Variants in SEZ6L2 observed in about 807,000 individuals in gnomAD.
SEZ6L2 encodes seizure 6-like protein 2.
SEZ6L2 carries 44 observed loss-of-function variants against 97.0 expected under a neutral mutation model. That is an observed-to-expected ratio of 0.45 (90% CI 0.36 to 0.58). The LOEUF is 0.58. SEZ6L2 is among the 20% of genes least tolerant of loss of function. The pLI, the probability that SEZ6L2 is intolerant of heterozygous loss-of-function variation, is 0.00. For synonymous variants in SEZ6L2, 543 were observed against 546.1 expected (o/e 0.99, Z 0.08); for missense variants, 1,086 against 1,233.3 (o/e 0.88, Z 1.79).
At chr16:29,895,993 C>T (rs904581853) in intron 3 of SEZ6L2, 133 bp from the exon 4 acceptor site, 17 of 945,892 alleles carry the variant, frequency 1.8e-5, no homozygotes, top group African/African-American at 1.0e-4. Context: ...GACAGGGTCT[C>T]GCTCTGTCAC....
At chr16:29,872,148 G>A (rs1438556616) in intron 17 of SEZ6L2, 39 bp downstream of exon 17, 1 of 1,492,182 alleles carries the variant, frequency 6.7e-7, no homozygotes, top group African/African-American at 1.4e-5. Context: ...TCCTGGGAGA[G>A]CCAAGTGGTG....
chr16:29,895,940 C>A, intron 3 of SEZ6L2, 80 bp from the exon 4 acceptor site: 1 of 1,426,048 alleles, frequency 7.0e-7, no homozygotes, highest in South Asian at 1.3e-5. Context: ...GCCTTCATCT[C>A]CCTTCTCCTT....
intron 12 of SEZ6L2, among the ~76,000 whole-genome samples, chr16:29,875,007 T>G (rs1490265164): frequency 8.5e-5 from 13 of 152,158 alleles, no homozygotes; most frequent in Admixed American, 8.5e-4. Flanking sequence ...TCTGAGTAGC[T>G]GGGACTACAG....
In SEZ6L2 at chr16:29,871,274, C is replaced by T. The variant is rs560603779; in HGVS notation, c.*425G>A. 10 of 247,348 alleles carry T rather than the reference C, an allele frequency of 4.0e-5. No individual in the cohort carries two copies. In the East Asian group the frequency reaches 7.3e-4, roughly 18 times the overall value. The allele number at this position is 247,348 out of a possible 1,614,324, so 15.3% of individuals were successfully genotyped here. A position where few individuals can be genotyped will look rare whatever the true frequency, so the allele number is the denominator to read the frequency against. ...GGGCAAGGCCTTGTCCCAGCTCTCC[C>T]CTTTGTCCTTCTTCTGACCCTCCTG... On this transcript the variant is annotated 3_prime_UTR_variant, in exon 18 of 18. Transcript: ENST00000617533.
chr16:29,884,344 C>T (rs756947860), intron 8 of SEZ6L2, among the ~76,000 whole-genome samples: 1 of 152,128 alleles, frequency 6.6e-6, no homozygotes, highest in Non-Finnish European at 1.5e-5. Flanking sequence ...GTAATCCTGG[C>T]ACTTTGGGAG....
Position 29,896,906 on chromosome 16 carries a change from G to T in SEZ6L2, c.427C>A (p.Pro143Thr), listed in dbSNP as rs760410556. ...PPPSPASPGPPLGPEGGEEET... is the reference protein window; with the variant it reads ...PPPSPASPGPTLGPEGGEEET... ...TCCTCTCCTCCCTCAGGCCCAAGGG[G>T]AGGCCCTGGGGAGGCAGGGCTGGGT... The change falls in exon 3 of 18, where the codon CCC becomes ACC. Residue 143 changes from proline to threonine, a missense_variant. By Grantham distance (38) the Pro-to-Thr change is conservative. Coordinates refer to ENST00000617533, the MANE Select transcript of SEZ6L2 (RefSeq NM_001243332.2). 6 of 1,612,406 alleles carry T rather than the reference G, an allele frequency of 3.7e-6. No individual in the cohort carries two copies. Among genetic ancestry groups the T allele is most frequent in the Non-Finnish European group, 3.4e-6 (4 of 1,178,650 alleles).
Position 29,894,768 on chromosome 16 carries a change from A to T in SEZ6L2, c.853+491T>A, listed in dbSNP as rs150156848. The stretch of plus-strand genomic sequence containing the variant: ...AATTGTCCCTCGGATGTGTGCACAG[A>T]TCTGTGAGTGTGTGAGATAAGTATG... On this transcript the variant is annotated intron_variant, in intron 5 of 17. Coordinates refer to ENST00000617533, the MANE Select transcript of SEZ6L2 (RefSeq NM_001243332.2). Among the ~76,000 whole-genome samples the T allele has an allele frequency of 6.0e-3, 915 of 152,164 alleles. 13 individuals carry two copies. Among genetic ancestry groups the T allele is most frequent in the African/African-American group, 0.021 (869 of 41,510 alleles).
chr16:29,898,828 T>C, intron 1 of SEZ6L2, 113 bp downstream of exon 1: 1 of 800,546 alleles, frequency 1.2e-6, no homozygotes, highest in Non-Finnish European at 2.0e-6. Flanking sequence ...CCATCAGCTG[T>C]GCCTCTCCCC....
rs560336836 is a variant in SEZ6L2 at position 29,895,120 on chromosome 16, A to G, written c.853+139T>C. ...CGTGAACCTGGGAGGCAGAGCTTGC[A>G]GTGAGCTGAGATCACGCCACTGACC... On this transcript the variant is annotated intron_variant, in intron 5 of 17. Coordinates refer to ENST00000617533, the MANE Select transcript of SEZ6L2 (RefSeq NM_001243332.2). 6.5e-5 allele frequency: 47 copies of G among 718,944 alleles called. 1 individual carries two copies. The highest frequency in any genetic ancestry group is 4.1e-4 in the Middle Eastern group (1 of 2,414). The allele number at this position is 718,944 out of a possible 1,614,324, so 44.5% of individuals were successfully genotyped here.
At chr16:29,877,536 C>T (rs1264828191) in intron 10 of SEZ6L2, 69 bp from the exon 11 acceptor site, 1 of 1,392,958 alleles carries the variant, frequency 7.2e-7, no homozygotes. Flanking sequence ...TCTGCCCCAT[C>T]CTCAACTCTG....
chr16:29,883,988 C>T (rs917611362), intron 8 of SEZ6L2, among the ~76,000 whole-genome samples: 1 of 151,938 alleles, frequency 6.6e-6, no homozygotes, highest in Non-Finnish European at 1.5e-5. Flanking sequence ...AGGTGAAATG[C>T]CTCTTCCTCC....
In SEZ6L2 at chr16:29,899,286, G is replaced by GC; in HGVS notation, c.-268dup. The GC allele has an allele frequency of 2.2e-6, 1 of 451,278 alleles. No individual in the cohort carries two copies. Among genetic ancestry groups the GC allele is most frequent in the Non-Finnish European group, 3.9e-6 (1 of 255,880 alleles). The allele number at this position is 451,278 out of a possible 1,614,324, so 28.0% of individuals were successfully genotyped here. On this transcript the variant is annotated 5_prime_UTR_variant, in exon 1 of 18. Coordinates refer to ENST00000617533, the MANE Select transcript of SEZ6L2 (RefSeq NM_001243332.2). ...TGGTGGAGGGGGCGCGGCTCCGGCT[G>GC]CAGGGGGTGGGGCCGAGAGGGCCGA...
chr16:29,874,580 T>TTTTTTTTTTTTTTTTTG (rs2067864396), intron 12 of SEZ6L2, among the ~76,000 whole-genome samples: 2 of 115,952 alleles, frequency 1.7e-5, no homozygotes, highest in Non-Finnish European at 3.5e-5. Flanking sequence ...TTTTTTTTTT[T>TTTTTTTTTTTTTTTTTG]TTTTTTTTGA....
In SEZ6L2 at chr16:29,899,132, T is replaced by C. The variant is rs1023865069; in HGVS notation, c.-113A>G. ...ATTGTTTTTTTTTTTTTTTTTTTTTTCCTCGTAGGAGTCAGCAAAGAAAGA... is the reference window on the plus strand; with the variant it reads ...ATTGTTTTTTTTTTTTTTTTTTTTTCCCTCGTAGGAGTCAGCAAAGAAAGA... On this transcript the variant is annotated 5_prime_UTR_variant, in exon 1 of 18. Coordinates refer to ENST00000617533, the MANE Select transcript of SEZ6L2 (RefSeq NM_001243332.2). The C allele has an allele frequency of 1.6e-5, 12 of 754,282 alleles. No homozygotes were observed. Among genetic ancestry groups the C allele is most frequent in the South Asian group, 6.5e-5 (4 of 61,104 alleles). 46.7% of individuals were successfully genotyped at this position (754,282 alleles called of 1,614,324 possible).
At chr16:29,878,149 C>T in intron 10 of SEZ6L2, 138 bp downstream of exon 10, 1 of 1,087,318 alleles carries the variant, frequency 9.2e-7, no homozygotes, top group Non-Finnish European at 1.3e-6. Context: ...ATCCTGTACC[C>T]TTAGTGCACC....
At chr16:29,895,565 C>A (rs2068367506) in intron 4 of SEZ6L2, 105 bp from the exon 5 acceptor site, 1 of 1,415,476 alleles carries the variant, frequency 7.1e-7, no homozygotes, top group Non-Finnish European at 9.6e-7. Flanking sequence ...CCAAAAGGCA[C>A]CACGCTGCTG....
At chr16:29,877,054 C>A in intron 11 of SEZ6L2, 104 bp from the exon 12 acceptor site, 2 of 1,232,262 alleles carry the variant, frequency 1.6e-6, no homozygotes, top group Non-Finnish European at 2.2e-6. Context: ...CTGTCTCTCT[C>A]TCTCTCTCTT....
In SEZ6L2 at chr16:29,876,959, G is replaced by A; in HGVS notation, c.1910-9C>T. ...GTCGTTCCTCGGGACCTCTGCAGGG[G>A]AGGGAAGGCGAGTTTGGAGGCTGCG... On this transcript the variant is annotated splice_polypyrimidine_tract_variant and intron_variant, in intron 11 of 17. Coordinates refer to ENST00000617533, the MANE Select transcript of SEZ6L2 (RefSeq NM_001243332.2). The surrounding 1 kb of genome is among the most constrained non-coding windows in gnomAD (Gnocchi z 6.5). 1 of 1,587,948 alleles carries A rather than the reference G, an allele frequency of 6.3e-7. No individual in the cohort carries two copies.
intron 9 of SEZ6L2, 57 bp downstream of exon 9, chr16:29,879,807 C>A: frequency 2.7e-6 from 4 of 1,473,116 alleles, no homozygotes; most frequent in South Asian, 2.6e-5. Context: ...TTGCTGGGAT[C>A]CCCAGTTCAG....
Sources: allele counts gnomAD v4.1 joint callset (sites outside exome capture counted in the v4.1 genomes callset), GRCh38; gene constraint gnomAD v4.1.1; non-coding constraint Gnocchi (gnomAD v3.1); transcripts MANE v1.5; gene names NCBI Gene and HGNC (gene_info 2026-07-23, HGNC 2026-07-21).